Variants in ARIH2 observed in about 807,000 individuals in gnomAD.
The protein encoded by ARIH2 is E3 ubiquitin-protein ligase ARIH2.
ARIH2 carries 12 observed loss-of-function variants against 79.8 expected under a neutral mutation model. The observed-to-expected ratio is 0.15, with a 90% CI of 0.10 to 0.24. The LOEUF is 0.24. Ranked by LOEUF, ARIH2 falls within the 10% of genes least tolerant of loss-of-function variation. The pLI is 1.00. For missense variants in ARIH2, 301 were observed against 618.3 expected, an observed-to-expected ratio of 0.49 and a Z score of 5.44; for synonymous variants, 224 against 213.9, an observed-to-expected ratio of 1.05 and a Z score of -0.41.
Position 48,943,341 on chromosome 3 carries a change from C to T in ARIH2, c.255+15528C>T, listed in dbSNP as rs548591659. 4.3e-4 allele frequency: 65 copies of T among 152,122 alleles called. 1 individual carries two copies. The highest frequency in any genetic ancestry group is 6.8e-3 in the Middle Eastern group (2 of 296). The allele number at this position is 152,122 out of a possible 1,614,324, so 9.4% of individuals were successfully genotyped here. A position where few individuals can be genotyped will look rare whatever the true frequency, so the allele number is the denominator to read the frequency against. ...TGCAACCCTCGAGAGACTGCTAAGC[C>T]CTCCAACTTTTTTTAACCCGTCTCA... On this transcript the variant is annotated intron_variant, in intron 3 of 15. Coordinates refer to ENST00000356401, the MANE Select transcript of ARIH2 (RefSeq NM_006321.4).
intron 3 of ARIH2, among the ~76,000 whole-genome samples, chr3:48,939,991 A>G (rs1435619397): frequency 6.6e-6 from 1 of 151,958 alleles, no homozygotes; most frequent in Non-Finnish European, 1.5e-5. Context: ...TGGGAGGCCG[A>G]GGCAGGTGTT....
chr3:48,979,323 G>A (rs533835991), intron 11 of ARIH2, among the ~76,000 whole-genome samples, 159 bp from the exon 12 acceptor site: 1 of 152,340 alleles, frequency 6.6e-6, no homozygotes, highest in East Asian at 1.9e-4. Flanking sequence ...GATGTGACAG[G>A]GATGAGAGGT....
In ARIH2 at chr3:48,919,207, C is replaced by T. The variant is rs998743389; in HGVS notation, c.-162+209C>T. On this transcript the variant is annotated intron_variant, in intron 1 of 15. Transcript: ENST00000356401. The stretch of plus-strand genomic sequence containing the variant: ...TGTCTGCCTTTTTTCCTCCCGCCGC[C>T]TTCTCAGCTCTCGGAAAGGTCAGAG... 1.1e-5 allele frequency: 14 copies of T among 1,277,262 alleles called. No homozygotes were observed. In the East Asian group the frequency reaches 3.4e-4, roughly 31 times the overall value. 79.1% of individuals were successfully genotyped at this position (1,277,262 alleles called of 1,614,324 possible).
chr3:48,984,983 A>G lies in ARIH2; in HGVS notation c.*1713A>G, dbSNP rs1470005656. The stretch of plus-strand genomic sequence containing the variant: ...GGAGAACAGATTAGGAGTATAGCAA[A>G]TGAACCCAGAATGGAACAGTGGGGA... On this transcript the variant is annotated 3_prime_UTR_variant, in exon 16 of 16. Transcript: ENST00000356401. 1 of 152,238 alleles carries G rather than the reference A, an allele frequency of 6.6e-6. No individual in the cohort carries two copies. Among genetic ancestry groups the G allele is most frequent in the East Asian group, 1.9e-4 (1 of 5,188 alleles). The allele number at this position is 152,238 out of a possible 1,614,324, so 9.4% of individuals were successfully genotyped here.
rs1375564349 is a variant in ARIH2 at position 48,978,476 on chromosome 3, TATA to T, written c.962-1005_962-1003del. 9.6e-4 allele frequency among the ~76,000 whole-genome samples: 67 copies of T among 70,074 alleles called. 1 individual carries two copies. In the South Asian group the frequency reaches 0.061, roughly 64 times the overall value. 46.0% of individuals were successfully genotyped at this position (70,074 alleles called of 152,430 possible). ...GTGTGTGTGTGTGTGTATATATATA[TATA>T]TATATTTTTTTTTTTTTTGGTAGAG... On this transcript the variant is annotated intron_variant, in intron 11 of 15. Transcript: ENST00000356401.
At chr3:48,945,171 C>G in intron 3 of ARIH2, 2 of 1,289,816 alleles carry the variant, frequency 1.6e-6, no homozygotes, top group Non-Finnish European at 2.0e-6. Flanking sequence ...TGCATCCTCC[C>G]TATGGCACTG....
At chr3:48,940,808 A>AAAAAAAAAAAAAAAAAATATATATAT (rs759369585) in intron 3 of ARIH2, among the ~76,000 whole-genome samples, 1 of 98,048 alleles carries the variant, frequency 1.0e-5, no homozygotes, top group African/African-American at 4.1e-5. Context: ...AAAAAAAAAA[A>AAAAAAAAAAAAAAAAAATATATATAT]ATATATATAT....
chr3:48,923,757 G>A (rs1347234508), intron 2 of ARIH2, among the ~76,000 whole-genome samples: 2 of 151,986 alleles, frequency 1.3e-5, no homozygotes, highest in African/African-American at 4.8e-5. Flanking sequence ...CCGACCTTAG[G>A]TGATCCACCC....
intron 3 of ARIH2, among the ~76,000 whole-genome samples, chr3:48,939,125 A>T (rs980746657): frequency 6.6e-6 from 1 of 151,592 alleles, no homozygotes; most frequent in Non-Finnish European, 1.5e-5. Context: ...CTGCCACCAC[A>T]CCTGGCTAAT....
In ARIH2 at chr3:48,935,877, T is replaced by C. The variant is rs1441553635; in HGVS notation, c.255+8064T>C. On this transcript the variant is annotated intron_variant, in intron 3 of 15. Coordinates refer to ENST00000356401, the MANE Select transcript of ARIH2 (RefSeq NM_006321.4). The stretch of plus-strand genomic sequence containing the variant: ...ACACATTGAGGATGGTTCTGGGCAA[T>C]GTATTGCTGACTGGTGCGTCTGAGT... 2.6e-5 allele frequency among the ~76,000 whole-genome samples: 4 copies of C among 152,146 alleles called. No homozygotes were observed. In the South Asian group the frequency reaches 6.2e-4, roughly 24 times the overall value.
At chr3:48,979,186 C>G (rs1172785224) in intron 11 of ARIH2, among the ~76,000 whole-genome samples, 1 of 152,114 alleles carries the variant, frequency 6.6e-6, no homozygotes, top group Non-Finnish European at 1.5e-5. Flanking sequence ...CATAGCAGAC[C>G]AGTAGTCTGT....
chr3:48,923,128 A>C (rs1576072824), intron 2 of ARIH2, among the ~76,000 whole-genome samples: 2 of 150,634 alleles, frequency 1.3e-5, no homozygotes, highest in African/African-American at 2.4e-5. Context: ...AATGGCGTGA[A>C]CCCGGGAGGC....
rs2092700708 is a variant in ARIH2, at chr3:48,980,218, T to C, written c.1114-135T>C. ...GAAGGATGGACTGAAGAAGACCTGC[T>C]CTTGCACTTTGGGGAATAAGTTAGA... On this transcript the variant is annotated intron_variant, in intron 12 of 15. Transcript: ENST00000356401. The C allele has an allele frequency of 3.5e-6, 3 of 862,222 alleles. No homozygotes were observed. The South Asian group carries it at 4.9e-5, about 14-fold the overall frequency. 53.4% of individuals were successfully genotyped at this position (862,222 alleles called of 1,614,324 possible). A position where few individuals can be genotyped will look rare whatever the true frequency, so the allele number is the denominator to read the frequency against.
chr3:48,981,182 G>A (rs761686583), intron 13 of ARIH2, among the ~76,000 whole-genome samples: 5 of 151,746 alleles, frequency 3.3e-5, no homozygotes, highest in Admixed American at 2.0e-4. Context: ...AAATACAAAC[G>A]TTCGCCTGGT....
At position 48,970,692 on chromosome 3, in the gene ARIH2, A is replaced by G. The variant is rs1436550025; in HGVS notation, c.758A>G (p.Asn253Ser). ...CGCCGAGTACAGTGCAATCGGTGCA[A>G]CGAGGTCTTCTGGTAAGAGTGAGTG... ...RARRVQCNRC[N>S]EVFCFKCRQM... The change falls in exon 8 of 16, where the codon AAC (asparagine) becomes AGC (serine). Residue 253 changes from asparagine (N) to serine (S), a missense_variant. By Grantham distance (46) the Asn-to-Ser change is conservative (BLOSUM62 1). Coordinates refer to ENST00000356401, the MANE Select transcript of ARIH2 (RefSeq NM_006321.4). 7 of 1,613,726 alleles carry G rather than the reference A, an allele frequency of 4.3e-6. No homozygotes were observed. Among genetic ancestry groups the G allele is most frequent in the South Asian group, 2.2e-5 (2 of 91,078 alleles).
chr3:48,956,439 CTTTTT>C (rs34693818), intron 3 of ARIH2, among the ~76,000 whole-genome samples: 85 of 36,238 alleles, frequency 2.3e-3, no homozygotes, highest in African/African-American at 7.6e-3. Flanking sequence ...GCGCCCGGCA[CTTTTT>C]TTTTTTTTTT....
At chr3:48,924,422 C>T (rs570462822) in intron 2 of ARIH2, among the ~76,000 whole-genome samples, 50 of 151,764 alleles carry the variant, frequency 3.3e-4, no homozygotes, top group African/African-American at 9.2e-4. Flanking sequence ...TGCAGTGGCA[C>T]GATCTCACTG....
rs9863799 is a variant in ARIH2, at chr3:48,945,040, G to A, written c.256-16572G>A. Reference sequence around the variant, plus strand: ...TTGGACCACGAAGTGGCAGGCTGAGGCATGAAGACCCATTCATGTAGCCTT... The same window carrying A: ...TTGGACCACGAAGTGGCAGGCTGAGACATGAAGACCCATTCATGTAGCCTT... On this transcript the variant is annotated intron_variant, in intron 3 of 15. Coordinates refer to ENST00000356401, the MANE Select transcript of ARIH2 (RefSeq NM_006321.4). 542 of 1,025,552 alleles carry A rather than the reference G, an allele frequency of 5.3e-4. 1 individual carries two copies. In the African/African-American group the frequency reaches 8.0e-3, roughly 15 times the overall value. 63.5% of individuals were successfully genotyped at this position (1,025,552 alleles called of 1,614,324 possible). A position where few individuals can be genotyped will look rare whatever the true frequency, so the allele number is the denominator to read the frequency against.
intron 4 of ARIH2, among the ~76,000 whole-genome samples, chr3:48,962,848 T>C (rs2091410496): frequency 6.6e-6 from 1 of 152,126 alleles, no homozygotes; most frequent in Admixed American, 6.5e-5. Context: ...TGAATCTTCC[T>C]TTCTCGTATG....
Sources: gnomAD v4.1 joint callset for allele counts (sites outside exome capture counted in the v4.1 genomes callset) on GRCh38, gnomAD v4.1.1 for gene constraint, MANE v1.5 for transcripts, NCBI Gene and HGNC (gene_info 2026-07-23, HGNC 2026-07-21) for gene names.